The following DEPDC5 variants were observed in gnomAD, a reference collection of about 807,000 sequenced individuals.
The protein encoded by DEPDC5 is GATOR1 complex protein DEPDC5.
A neutral mutation model predicts 217.3 loss-of-function variants in DEPDC5; 73 were observed. The ratio of observed to expected loss-of-function variants is 0.34; its 90% CI spans 0.28 to 0.41. DEPDC5 has a LOEUF of 0.41. DEPDC5 is among the 10% of genes least tolerant of loss of function. The pLI is 1.00. For missense variants in DEPDC5, 1,675 were observed against 2,070.1 expected (o/e 0.81, Z 3.70); for synonymous variants, 733 against 756.7 (o/e 0.97, Z 0.51).
chr22:31,810,552 C>T lies in DEPDC5; in HGVS notation c.1356C>T (p.Ala452=). Reference sequence around the variant, plus strand: ...GGAGTCCAAAAGAATCTGAGAACGCCCTTCCCATCCAAGTAGATTATGACG... The same window carrying T: ...GGAGTCCAAAAGAATCTGAGAACGCTCTTCCCATCCAAGTAGATTATGACG... ...SLGSPKESEN[A]LPIQVDYDAY... is the part of the protein sequence containing the mutation. The change falls in exon 20 of 43, where the codon GCC becomes GCT. Residue 452 remains alanine (A), a synonymous_variant. Transcript: ENST00000651528. 1 of 1,614,062 alleles carries T rather than the reference C, an allele frequency of 6.2e-7. No homozygotes were observed. The highest frequency in any genetic ancestry group is 8.5e-7 in the Non-Finnish European group (1 of 1,180,022).
chr22:31,893,126 G>A (rs1056586779), intron 38 of DEPDC5, among the ~76,000 whole-genome samples: 10 of 151,804 alleles, frequency 6.6e-5, no homozygotes, highest in African/African-American at 1.5e-4. Flanking sequence ...TGCTTGCGTC[G>A]GCCTCCCAAA....
chr22:31,845,721 T>C (rs2091688040), intron 30 of DEPDC5, among the ~76,000 whole-genome samples: 1 of 151,920 alleles, frequency 6.6e-6, no homozygotes, highest in South Asian at 2.1e-4. Context: ...GGATTCAGCA[T>C]TTTTTTTAAA....
intron 35 of DEPDC5, chr22:31,873,797 T>TC (rs2092917582): frequency 7.0e-6 from 1 of 142,790 alleles, no homozygotes; most frequent in Non-Finnish European, 1.5e-5. Context: ...TTCTTTTTTT[T>TC]TTTTTTTTTT....
chr22:31,869,272 A>G (rs1471435447), intron 33 of DEPDC5, among the ~76,000 whole-genome samples: 1 of 151,872 alleles, frequency 6.6e-6, no homozygotes, highest in Admixed American at 6.6e-5. Context: ...GCACCATTAC[A>G]TGAGGCACAG....
rs1181778443 is a variant in DEPDC5 at position 31,836,946 on chromosome 22, C to T, written c.2171-26C>T. ...ACACTTGCCATGGTGACCACATGTA[C>T]CTTTTCCCCCTGTTACGTGAGGCAG... is the stretch of plus-strand genomic sequence containing the variant. On this transcript the variant is annotated intron_variant, in intron 25 of 42. Transcript: ENST00000651528. 2.0e-6 allele frequency: 3 copies of T among 1,495,910 alleles called. No individual in the cohort carries two copies. In the African/African-American group the frequency reaches 4.2e-5, roughly 21 times the overall value. 92.7% of individuals were successfully genotyped at this position (1,495,910 alleles called of 1,614,324 possible). A position where few individuals can be genotyped will look rare whatever the true frequency, so the allele number is the denominator to read the frequency against.
intron 24 of DEPDC5, among the ~76,000 whole-genome samples, chr22:31,826,897 G>GT (rs74267286): frequency 0.094 from 13,211 of 140,232 alleles, 749 homozygotes; most frequent in African/African-American, 0.17. Context: ...ATTATACATA[G>GT]TTTTTTTTTT....
intron 31 of DEPDC5, among the ~76,000 whole-genome samples, chr22:31,855,871 T>A (rs1302511827): frequency 6.6e-6 from 1 of 152,150 alleles, no homozygotes; most frequent in Non-Finnish European, 1.5e-5. Flanking sequence ...GGAAACATAT[T>A]TTTGCATCCC....
chr22:31,893,928 A>C, intron 39 of DEPDC5, 177 bp downstream of exon 39: 1 of 720,410 alleles, frequency 1.4e-6, no homozygotes, highest in East Asian at 3.4e-5. Context: ...TTAAGCAATC[A>C]AAAAAGGTAG....
intron 1 of DEPDC5, 52 bp from the exon 2 acceptor site, chr22:31,754,810 T>C: frequency 8.0e-7 from 1 of 1,257,788 alleles, no homozygotes; most frequent in Non-Finnish European, 1.1e-6. Flanking sequence ...CAAAGAGTGG[T>C]TGCAAGGAAA....
chr22:31,811,537 T>C (rs2088334769), intron 20 of DEPDC5, among the ~76,000 whole-genome samples: 1 of 151,758 alleles, frequency 6.6e-6, no homozygotes, highest in African/African-American at 2.4e-5. Flanking sequence ...TGTGGTGTTT[T>C]GGTCATATGG....
intron 27 of DEPDC5, among the ~76,000 whole-genome samples, chr22:31,841,788 T>G (rs560588942): frequency 6.6e-6 from 1 of 152,326 alleles, no homozygotes; most frequent in South Asian, 2.1e-4. Context: ...CCGGTCCTTT[T>G]GTTACTTAGG....
chr22:31,773,673 C>T (rs921566419), intron 7 of DEPDC5, among the ~76,000 whole-genome samples: 1 of 152,088 alleles, frequency 6.6e-6, no homozygotes, highest in African/African-American at 2.4e-5. Context: ...CTGTGGGCCT[C>T]CTGTGAGAAA....
chr22:31,859,094 T>G (rs963425107), intron 32 of DEPDC5: 1 of 137,084 alleles, frequency 7.3e-6, no homozygotes, highest in Admixed American at 7.4e-5. Flanking sequence ...TTTTTTTTTT[T>G]TTTTTTTTTT....
chr22:31,878,505 A>T (rs2093067575), intron 37 of DEPDC5, among the ~76,000 whole-genome samples: 1 of 151,568 alleles, frequency 6.6e-6, no homozygotes, highest in Non-Finnish European at 1.5e-5. Flanking sequence ...GGAGTTTAAG[A>T]TCAGCCTGGG....
intron 24 of DEPDC5, among the ~76,000 whole-genome samples, chr22:31,823,993 T>A (rs2089940004): frequency 6.6e-6 from 1 of 152,194 alleles, no homozygotes; most frequent in African/African-American, 2.4e-5. Context: ...TTTAAAAAAA[T>A]TGGGCTACTA....
chr22:31,809,737 T>G, intron 19 of DEPDC5, 90 bp downstream of exon 19: 15 of 1,416,142 alleles, frequency 1.1e-5, no homozygotes, highest in Non-Finnish European at 1.4e-5. Context: ...CCCAGCACTT[T>G]GGGAGGCCAA....
rs1194932209 is a variant in DEPDC5 at position 31,838,649 on chromosome 22, C to T, written c.2355-36C>T. 7 of 1,608,340 alleles carry T rather than the reference C, an allele frequency of 4.4e-6. No individual in the cohort carries two copies. The African/African-American group carries it at 6.7e-5, about 15-fold the overall frequency. On this transcript the variant is annotated intron_variant, in intron 26 of 42. Coordinates refer to ENST00000651528, the MANE Select transcript of DEPDC5 (RefSeq NM_001242896.3). ...ACTCTTAAGTGTCACTGTCTCGGGC[C>T]AAGCATCTGTATGAGCAATCATCTG...
At chr22:31,892,995 C>T (rs562813434) in intron 38 of DEPDC5, among the ~76,000 whole-genome samples, 1 of 151,908 alleles carries the variant, frequency 6.6e-6, no homozygotes, top group East Asian at 1.9e-4. Context: ...CCTGCCTCAG[C>T]CTCCTGAGTA....
Position 31,843,791 on chromosome 22 carries a change from C to T in DEPDC5, c.2780C>T (p.Ser927Phe). The change falls in exon 29 of 43, where the codon TCT becomes TTT. Residue 927 changes from serine to phenylalanine, a missense_variant. By Grantham distance (155) the Ser-to-Phe change is radical. This residue lies in a region of DEPDC5 where 293 missense variants were observed against 386.1 expected (regional missense o/e 0.76). Coordinates refer to ENST00000651528, the MANE Select transcript of DEPDC5 (RefSeq NM_001242896.3). ...KWNYLDQYICSAGSEDFSLIE... is the reference protein window; with the variant it reads ...KWNYLDQYICFAGSEDFSLIE... ...AATTACTTAGATCAGTATATCTGTT[C>T]TGCCGGCTCTGAAGACTTCAGGTCA... 1 of 1,607,214 alleles carries T rather than the reference C, an allele frequency of 6.2e-7. No individual in the cohort carries two copies. Among genetic ancestry groups the T allele is most frequent in the East Asian group, 2.2e-5 (1 of 44,652 alleles).
Sources: gnomAD v4.1 joint callset for allele counts (sites outside exome capture counted in the v4.1 genomes callset) on GRCh38, gnomAD v4.1.1 for gene constraint, gnomAD v4.1.1 regional missense constraint, MANE v1.5 for transcripts, NCBI Gene and HGNC (gene_info 2026-07-23, HGNC 2026-07-21) for gene names.